The following ZC3H12B variants were observed in gnomAD, a reference collection of about 807,000 sequenced individuals.
ZC3H12B encodes probable ribonuclease ZC3H12B.
Under a neutral mutation model 43.9 loss-of-function variants are expected in ZC3H12B, and 7 were observed. The observed-to-expected ratio is 0.16, with a 90% CI of 0.09 to 0.30. The LOEUF is 0.30. ZC3H12B is among the 10% of genes least tolerant of loss of function. The pLI, the probability that ZC3H12B is intolerant of heterozygous loss-of-function variation, is 1.00. For synonymous variants in ZC3H12B, 222 were observed against 241.7 expected, an observed-to-expected ratio of 0.92 and a Z score of 0.76; for missense variants, 475 against 670.2, an observed-to-expected ratio of 0.71 and a Z score of 3.22.
the ZC3H12B span, among the ~76,000 whole-genome samples, chrX:65,243,438 T>A: frequency 8.9e-6 from 1 of 112,212 alleles, no homozygotes; most frequent in Non-Finnish European, 1.9e-5. Flanking sequence ...CCAGTTAGAA[T>A]GTTTTTTATC....
chrX:65,165,151 C>G, the ZC3H12B span, among the ~76,000 whole-genome samples: 1 of 111,838 alleles, frequency 8.9e-6, no homozygotes, highest in African/African-American at 3.2e-5. Context: ...CCCCCAAACT[C>G]CTGAAATAAA....
At chrX:65,092,079 T>C in the ZC3H12B span, among the ~76,000 whole-genome samples, 1 of 111,384 alleles carries the variant, frequency 9.0e-6, no homozygotes, top group African/African-American at 3.3e-5. Context: ...GCACCTCCTT[T>C]CTCACTTTCT....
the ZC3H12B span, among the ~76,000 whole-genome samples, chrX:65,198,417 G>A: frequency 8.9e-6 from 1 of 111,925 alleles, no homozygotes; most frequent in African/African-American, 3.2e-5. Context: ...ATTTCTTGTA[G>A]GATAGGTCCA....
At chrX:65,323,505 C>T in the ZC3H12B span, among the ~76,000 whole-genome samples, 7 of 112,115 alleles carry the variant, frequency 6.2e-5, no homozygotes, top group Non-Finnish European at 9.4e-5. Flanking sequence ...CATCCATGTT[C>T]CTGCAAAGGA....
intron 3 of ZC3H12B, among the ~76,000 whole-genome samples, chrX:65,432,256 C>T (rs1251847201): frequency 9.0e-6 from 1 of 111,592 alleles, no homozygotes; most frequent in Non-Finnish European, 1.9e-5. Context: ...TCATGATAGG[C>T]AGCCCAGGTC....
At chrX:65,281,259 G>T in the ZC3H12B span, among the ~76,000 whole-genome samples, 1 of 100,839 alleles carries the variant, frequency 9.9e-6, no homozygotes, top group Non-Finnish European at 2.0e-5. Context: ...TTGAGTCAGA[G>T]TCTTGCTCTT....
chrX:65,361,023 T>C, the ZC3H12B span, among the ~76,000 whole-genome samples: 3 of 112,477 alleles, frequency 2.7e-5, no homozygotes, highest in African/African-American at 9.7e-5. Context: ...TATGGAATTA[T>C]TTGGTAAGCT....
the ZC3H12B span, among the ~76,000 whole-genome samples, chrX:65,244,727 CAAAAAAAAAAAAA>C: frequency 8.3e-4 from 17 of 20,391 alleles, no homozygotes; most frequent in Admixed American, 3.9e-3. Flanking sequence ...AATACCTTGC[CAAAAAAAAAAAAA>C]AAAAAAAAAA....
the ZC3H12B span, among the ~76,000 whole-genome samples, chrX:65,111,992 G>A: frequency 8.9e-6 from 1 of 112,141 alleles, no homozygotes; most frequent in Non-Finnish European, 1.9e-5. Flanking sequence ...CATTTTGAAA[G>A]CCAAGATAGT....
the ZC3H12B span, among the ~76,000 whole-genome samples, chrX:65,065,395 T>A: frequency 8.9e-6 from 1 of 111,904 alleles, no homozygotes; most frequent in African/African-American, 3.3e-5. Context: ...TCTCTATTGC[T>A]TATGAAGCTT....
chrX:65,119,219 C>T, the ZC3H12B span, among the ~76,000 whole-genome samples: 8 of 111,579 alleles, frequency 7.2e-5, no homozygotes, highest in South Asian at 3.8e-4. Flanking sequence ...CCTGAGGAAT[C>T]GCCACACTGA....
chrX:65,259,729 C>T, the ZC3H12B span, among the ~76,000 whole-genome samples: 1 of 111,475 alleles, frequency 9.0e-6, no homozygotes, highest in South Asian at 3.7e-4. Context: ...AGGTATCTAC[C>T]CAAAGGAAAA....
chrX:65,304,615 C>CAA, the ZC3H12B span, among the ~76,000 whole-genome samples: 13 of 69,735 alleles, frequency 1.9e-4, no homozygotes, highest in East Asian at 5.1e-4. Context: ...CACTCCGTCT[C>CAA]AAAAAAAAAA....
intron 2 of ZC3H12B, among the ~76,000 whole-genome samples, chrX:65,374,254 AG>A (rs1259794117): frequency 6.3e-5 from 5 of 79,780 alleles, no homozygotes; most frequent in African/African-American, 1.3e-4. Context: ...TTATATATAT[AG>A]TATAGTAATA....
At chrX:65,379,275 GCCT>G (rs767928061) in intron 2 of ZC3H12B, among the ~76,000 whole-genome samples, 2 of 111,920 alleles carry the variant, frequency 1.8e-5, no homozygotes, top group East Asian at 2.8e-4. Flanking sequence ...AGGGCAGACT[GCCT>G]CCTCAAGTGA....
At chrX:65,171,476 C>T in the ZC3H12B span, among the ~76,000 whole-genome samples, 34 of 111,319 alleles carry the variant, frequency 3.1e-4, no homozygotes, top group African/African-American at 1.1e-3. Context: ...ATAAGTTAGG[C>T]TACTCGGGGG....
At chrX:65,162,559 C>T in the ZC3H12B span, among the ~76,000 whole-genome samples, 207 of 112,052 alleles carry the variant, frequency 1.8e-3, no homozygotes, top group African/African-American at 6.0e-3. Context: ...TTGATCACAT[C>T]GGCTCCTGAG....
the ZC3H12B span, among the ~76,000 whole-genome samples, chrX:65,094,857 G>GA: frequency 2.7e-5 from 3 of 111,915 alleles, no homozygotes; most frequent in African/African-American, 3.2e-5. Context: ...TTGCCTTGAG[G>GA]AAAAAACACT....
At chrX:65,206,499 C>CA in the ZC3H12B span, among the ~76,000 whole-genome samples, 8 of 111,550 alleles carry the variant, frequency 7.2e-5, no homozygotes, top group African/African-American at 2.0e-4. Context: ...TCACCTTATA[C>CA]AAAAAATCAA....
Sources: gnomAD v4.1 joint callset for allele counts (sites outside exome capture counted in the v4.1 genomes callset) on GRCh38, gnomAD v4.1.1 for gene constraint, MANE v1.5 for transcripts, NCBI Gene and HGNC (gene_info 2026-07-23, HGNC 2026-07-21) for gene names.